Variants in RPS6KA6 observed in about 807,000 individuals in gnomAD.
RPS6KA6 encodes the protein ribosomal protein S6 kinase alpha-6.
RPS6KA6 carries 27 observed loss-of-function variants against 65.4 expected under a neutral mutation model. That is an observed-to-expected ratio of 0.41 (90% confidence interval 0.30 to 0.57). The LOEUF is 0.57. Ranked by LOEUF, RPS6KA6 falls within the 20% of genes least tolerant of loss-of-function variation. The pLI is 0.24. For missense variants in RPS6KA6, 486 were observed against 555.6 expected, an observed-to-expected ratio of 0.87 and a Z score of 1.26; for synonymous variants, 190 against 184.2, an observed-to-expected ratio of 1.03 and a Z score of -0.26.
intron 3 of RPS6KA6, among the ~76,000 whole-genome samples, chrX:84,150,941 G>A (rs1190860664): frequency 1.1e-5 from 1 of 88,252 alleles, no homozygotes; most frequent in Admixed American, 1.4e-4. Flanking sequence ...ATATATAGAG[G>A]ATATATATAG....
chrX:84,177,319 A>C (rs770137164), intron 1 of RPS6KA6, among the ~76,000 whole-genome samples: 6 of 111,949 alleles, frequency 5.4e-5, no homozygotes, highest in African/African-American at 1.9e-4. Context: ...AAAAATAATA[A>C]CATTTACTGA....
intron 20 of RPS6KA6, among the ~76,000 whole-genome samples, chrX:84,095,785 C>T (rs1200303153): frequency 9.0e-6 from 1 of 111,626 alleles, no homozygotes; most frequent in Non-Finnish European, 1.9e-5. Context: ...GATACATAGT[C>T]CATTCATTCT....
At chrX:84,121,784 A>G (rs1000596254) in intron 8 of RPS6KA6, among the ~76,000 whole-genome samples, 2 of 112,454 alleles carry the variant, frequency 1.8e-5, no homozygotes, top group Non-Finnish European at 3.8e-5. Flanking sequence ...TAAAACCTAA[A>G]ACTATAAAAT....
At chrX:84,064,843 T>TA (rs955879790) in intron 21 of RPS6KA6, 128 bp downstream of exon 21, 8 of 502,305 alleles carry the variant, frequency 1.6e-5, no homozygotes, top group African/African-American at 4.8e-5. Flanking sequence ...GTTGTTAATT[T>TA]AAAAAAATCT....
intron 13 of RPS6KA6, 125 bp from the exon 14 acceptor site, chrX:84,107,165 T>C (rs1417432810): frequency 1.9e-6 from 1 of 518,140 alleles, no homozygotes; most frequent in African/African-American, 2.4e-5. Context: ...ATTTGATTTA[T>C]TATATATTAT....
intron 20 of RPS6KA6, among the ~76,000 whole-genome samples, chrX:84,090,920 C>A (rs1035770626): frequency 2.7e-5 from 3 of 112,066 alleles, no homozygotes; most frequent in Non-Finnish European, 5.6e-5. Context: ...GGTTACAGAC[C>A]TCTCATTCCT....
At chrX:84,179,421 A>C (rs2035816698) in intron 1 of RPS6KA6, among the ~76,000 whole-genome samples, 1 of 111,733 alleles carries the variant, frequency 8.9e-6, no homozygotes, top group Non-Finnish European at 1.9e-5. Flanking sequence ...CACTGGTAAC[A>C]ACCCAAATCC....
intron 20 of RPS6KA6, among the ~76,000 whole-genome samples, chrX:84,069,626 C>T (rs927014411): frequency 1.3e-4 from 14 of 111,432 alleles, no homozygotes; most frequent in Non-Finnish European, 2.4e-4. Context: ...AGTGAACAGG[C>T]AACCTACAGA....
At chrX:84,130,113 A>C (rs1015514576) in intron 8 of RPS6KA6, among the ~76,000 whole-genome samples, 1 of 111,366 alleles carries the variant, frequency 9.0e-6, no homozygotes, top group Non-Finnish European at 1.9e-5. Flanking sequence ...ACAACACATA[A>C]ATATATACAC....
chrX:84,068,803 G>C (rs1185885170), intron 20 of RPS6KA6, among the ~76,000 whole-genome samples: 1 of 111,413 alleles, frequency 9.0e-6, no homozygotes, highest in Admixed American at 9.6e-5. Context: ...CCAAATCATA[G>C]TTAAATTCCC....
At chrX:84,122,586 G>A (rs1055317985) in intron 8 of RPS6KA6, among the ~76,000 whole-genome samples, 10 of 108,729 alleles carry the variant, frequency 9.2e-5, no homozygotes, top group Non-Finnish European at 1.9e-4. Context: ...CATCCACCTC[G>A]GTCTCCCAAA....
At chrX:84,122,870 G>A (rs1406659354) in intron 8 of RPS6KA6, among the ~76,000 whole-genome samples, 3 of 111,677 alleles carry the variant, frequency 2.7e-5, no homozygotes, top group Non-Finnish European at 5.6e-5. Context: ...CAGCCAGGGT[G>A]GCTAAGGGAG....
At chrX:84,134,695 GA>G (rs986058581) in intron 8 of RPS6KA6, 86 bp downstream of exon 8, 12 of 596,883 alleles carry the variant, frequency 2.0e-5, no homozygotes, top group Non-Finnish European at 2.8e-5. Context: ...TTCAGAAAGA[GA>G]AAAAAACAGG....
At chrX:84,091,379 T>C (rs1364405846) in intron 20 of RPS6KA6, among the ~76,000 whole-genome samples, 1 of 112,310 alleles carries the variant, frequency 8.9e-6, no homozygotes, top group Non-Finnish European at 1.9e-5. Context: ...ATGCTAGATG[T>C]GATAGAAAAT....
rs2034848043 is a variant in RPS6KA6 at position 84,129,142 on chromosome X, C to G, written c.646+5640G>C. On this transcript the variant is annotated intron_variant, in intron 8 of 21. Transcript: ENST00000262752. ...GAATACATAAGGAGCTCAAACAACT[C>G]TACAGGAAAAAGTCTAATAATCCAA... Among the ~76,000 whole-genome samples the G allele has an allele frequency of 3.6e-5, 4 of 111,176 alleles. No homozygotes were observed. The Admixed American group carries it at 3.8e-4, about 11-fold the overall frequency.
At chrX:84,099,703 C>T (rs1176129561) in intron 18 of RPS6KA6, among the ~76,000 whole-genome samples, 2 of 111,280 alleles carry the variant, frequency 1.8e-5, no homozygotes. Flanking sequence ...AATAATATAA[C>T]GTAGTGGATT....
rs191998157 is a variant in RPS6KA6 at position 84,176,032 on chromosome X, C to T, written c.82-11645G>A. 9.8e-4 allele frequency among the ~76,000 whole-genome samples: 110 copies of T among 112,048 alleles called. 1 individual carries two copies. In the South Asian group the frequency reaches 0.011, roughly 12 times the overall value. On this transcript the variant is annotated intron_variant, in intron 1 of 21. Coordinates refer to ENST00000262752, the MANE Select transcript of RPS6KA6 (RefSeq NM_014496.5). ...TATTACTACTGAGTTACTACTGAGT[C>T]ACTGAGTAACTACTGTTACTACTGA...
chrX:84,182,633 A>G (rs1176606622), intron 1 of RPS6KA6, among the ~76,000 whole-genome samples: 1 of 111,813 alleles, frequency 8.9e-6, no homozygotes, highest in African/African-American at 3.2e-5. Flanking sequence ...TGATGAACTA[A>G]TCAAGGTAGG....
rs1314564652 is a variant in RPS6KA6 at position 84,098,810 on chromosome X, CAT to C, written c.1777-964_1777-963del. Among the ~76,000 whole-genome samples the C allele has an allele frequency of 3.6e-5, 4 of 110,770 alleles. No individual in the cohort carries two copies. The East Asian group carries it at 8.4e-4, about 23-fold the overall frequency. On this transcript the variant is annotated intron_variant, in intron 18 of 21. Coordinates refer to ENST00000262752, the MANE Select transcript of RPS6KA6 (RefSeq NM_014496.5). ...GTCTTAGTGTATTCATAAAAACACA[CAT>C]ATGTGCAAAATTAAGAGGGTAAAGA...
Sources: allele counts gnomAD v4.1 joint callset (sites outside exome capture counted in the v4.1 genomes callset), GRCh38; gene constraint gnomAD v4.1.1; transcripts MANE v1.5; gene names NCBI Gene and HGNC (gene_info 2026-07-23, HGNC 2026-07-21).